The following GALNT13 variants were observed in gnomAD, a reference collection of about 807,000 sequenced individuals.
The protein encoded by GALNT13 is polypeptide N-acetylgalactosaminyltransferase 13.
In GALNT13, 28 loss-of-function variants were observed where a neutral mutation model predicts 64.2. The ratio of observed to expected loss-of-function variants is 0.44; its 90% confidence interval spans 0.32 to 0.60. GALNT13 has a LOEUF of 0.60. Among genes scored for constraint, GALNT13 ranks in the 20% least tolerant of loss-of-function variants. The pLI is 0.05. For synonymous variants in GALNT13, 214 were observed against 224.6 expected (o/e 0.95, Z 0.42); for missense variants, 577 against 669.8 (o/e 0.86, Z 1.53).
chr2:153,335,457 C>T, the GALNT13 span, among the ~76,000 whole-genome samples: 1 of 152,246 alleles, frequency 6.6e-6, no homozygotes, highest in Admixed American at 6.5e-5. Flanking sequence ...AGATGAGGAA[C>T]TTGTTGGGAA....
chr2:154,104,243 T>C (rs1702495425), intron 3 of GALNT13, among the ~76,000 whole-genome samples: 3 of 152,010 alleles, frequency 2.0e-5, no homozygotes, highest in Admixed American at 6.6e-5. Context: ...GGAACCTATC[T>C]GGCAGCAGTA....
chr2:153,237,434 T>C, the GALNT13 span, among the ~76,000 whole-genome samples: 5 of 152,158 alleles, frequency 3.3e-5, no homozygotes, highest in South Asian at 4.1e-4. Context: ...CTAGATCTTA[T>C]TCATTCCACC....
intron 3 of GALNT13, among the ~76,000 whole-genome samples, chr2:154,139,401 T>A (rs1442074497): frequency 3.9e-5 from 6 of 152,048 alleles, no homozygotes; most frequent in Admixed American, 3.9e-4. Flanking sequence ...GCCTTTTAAT[T>A]TATATGGAAA....
chr2:153,712,069 G>C, the GALNT13 span, among the ~76,000 whole-genome samples: 1 of 152,106 alleles, frequency 6.6e-6, no homozygotes, highest in African/African-American at 2.4e-5. Context: ...TATGAAAATA[G>C]ACAATTATAC....
intron 3 of GALNT13, among the ~76,000 whole-genome samples, chr2:154,031,906 C>T (rs149810922): frequency 2.3e-4 from 35 of 151,834 alleles, no homozygotes; most frequent in African/African-American, 8.2e-4. Flanking sequence ...ACAATAAGCA[C>T]GATCAGCCAA....
the GALNT13 span, among the ~76,000 whole-genome samples, chr2:153,717,723 G>C: frequency 1.3e-5 from 2 of 152,118 alleles, no homozygotes; most frequent in East Asian, 3.9e-4. Flanking sequence ...AACATGCTGA[G>C]TTTTTAAGGA....
chr2:153,974,548 G>T (rs1022642652), intron 3 of GALNT13, among the ~76,000 whole-genome samples: 1 of 151,934 alleles, frequency 6.6e-6, no homozygotes, highest in African/African-American at 2.4e-5. Flanking sequence ...AATTATTTTG[G>T]AGCTTGCATG....
At chr2:153,088,959 C>A in the GALNT13 span, among the ~76,000 whole-genome samples, 3 of 152,006 alleles carry the variant, frequency 2.0e-5, no homozygotes, top group Non-Finnish European at 2.9e-5. Flanking sequence ...GCATTTAGGC[C>A]ATTTACATTT....
intron 4 of GALNT13, among the ~76,000 whole-genome samples, chr2:154,181,404 T>G (rs1482922169): frequency 1.3e-5 from 2 of 152,162 alleles, no homozygotes; most frequent in Non-Finnish European, 2.9e-5. Flanking sequence ...GTTTATAGCA[T>G]TTCTCATATT....
In GALNT13 at chr2:154,452,155, C is replaced by T. The variant is rs1701895859; in HGVS notation, c.*1604C>T. ...CAACCTGGAGCATTTCAGGTTTGCTCTTTAAATATAGACACCCCTCACCAT... is the reference window on the plus strand; with the variant it reads ...CAACCTGGAGCATTTCAGGTTTGCTTTTTAAATATAGACACCCCTCACCAT... On this transcript the variant is annotated 3_prime_UTR_variant, in exon 13 of 13. Coordinates refer to ENST00000392825, the MANE Select transcript of GALNT13 (RefSeq NM_052917.4). The T allele has an allele frequency of 6.6e-6, 1 of 152,022 alleles. No individual in the cohort carries two copies. The highest frequency in any genetic ancestry group is 2.4e-5 in the African/African-American group (1 of 41,402). The allele number at this position is 152,022 out of a possible 1,614,324, so 9.4% of individuals were successfully genotyped here. A position where few individuals can be genotyped will look rare whatever the true frequency, so the allele number is the denominator to read the frequency against.
the GALNT13 span, among the ~76,000 whole-genome samples, chr2:153,244,908 T>A: frequency 6.6e-6 from 1 of 152,340 alleles, no homozygotes; most frequent in East Asian, 1.9e-4. Flanking sequence ...AGCAGAAGTC[T>A]GGAGTCCACC....
the GALNT13 span, among the ~76,000 whole-genome samples, chr2:153,844,329 C>T: frequency 2.8e-4 from 43 of 152,282 alleles, no homozygotes; most frequent in Non-Finnish European, 4.6e-4. Flanking sequence ...TAGCTTGCAC[C>T]CTCTGAAGCT....
chr2:153,094,872 T>A, the GALNT13 span, among the ~76,000 whole-genome samples: 5 of 152,136 alleles, frequency 3.3e-5, no homozygotes, highest in African/African-American at 1.2e-4. Flanking sequence ...CCTTACACCT[T>A]ATACAAAAAT....
intron 3 of GALNT13, among the ~76,000 whole-genome samples, chr2:154,028,761 A>G (rs770336504): frequency 6.6e-6 from 1 of 152,142 alleles, no homozygotes; most frequent in Non-Finnish European, 1.5e-5. Context: ...GATACAACAT[A>G]TGAATTAATA....
At chr2:154,306,310 C>A (rs1429790086) in intron 9 of GALNT13, among the ~76,000 whole-genome samples, 1 of 152,002 alleles carries the variant, frequency 6.6e-6, no homozygotes, top group South Asian at 2.1e-4. Flanking sequence ...TAACCCCCAA[C>A]CCCCAACAGG....
chr2:153,101,612 G>A, the GALNT13 span, among the ~76,000 whole-genome samples: 1 of 152,260 alleles, frequency 6.6e-6, no homozygotes, highest in Middle Eastern at 3.4e-3. Context: ...TTAAAAGGAC[G>A]TTTGTGAAAT....
At chr2:153,863,388 A>G in the GALNT13 span, among the ~76,000 whole-genome samples, 4 of 152,146 alleles carry the variant, frequency 2.6e-5, no homozygotes, top group Non-Finnish European at 5.9e-5. Flanking sequence ...TTATTGTCTT[A>G]GGAAGTTAGA....
At chr2:153,197,290 A>G in the GALNT13 span, among the ~76,000 whole-genome samples, 1 of 152,198 alleles carries the variant, frequency 6.6e-6, no homozygotes, top group African/African-American at 2.4e-5. Flanking sequence ...CCCTGCTTCC[A>G]GGTGTCGTGC....
chr2:154,448,074 C>A (rs1701683662), intron 12 of GALNT13, among the ~76,000 whole-genome samples: 2 of 152,018 alleles, frequency 1.3e-5, no homozygotes, highest in Non-Finnish European at 2.9e-5. Flanking sequence ...GATGTCAAAA[C>A]CATCCTGGCT....
Sources: allele counts gnomAD v4.1 joint callset (sites outside exome capture counted in the v4.1 genomes callset), GRCh38; gene constraint gnomAD v4.1.1; transcripts MANE v1.5; gene names NCBI Gene and HGNC (gene_info 2026-07-23, HGNC 2026-07-21).